SEMA6D: variants seen among roughly 807,000 people sequenced by gnomAD.
SEMA6D encodes the protein semaphorin 6D, also known as semaphorin-6D.
In SEMA6D, 35 loss-of-function variants were observed where a neutral mutation model predicts 106.6. The observed-to-expected ratio is 0.33, with a 90% CI of 0.25 to 0.44. The LOEUF is 0.44. Among genes scored for constraint, SEMA6D ranks in the 20% least tolerant of loss-of-function variants. The pLI, the probability that SEMA6D is intolerant of heterozygous loss-of-function variation, is 1.00. For missense variants in SEMA6D, 1,185 were observed against 1,345.9 expected (o/e 0.88, Z 1.87); for synonymous variants, 499 against 487.7 (o/e 1.02, Z -0.31).
intron 1 of SEMA6D, among the ~76,000 whole-genome samples, chr15:47,387,168 A>C (rs778481861): frequency 4.3e-4 from 65 of 152,196 alleles, no homozygotes; most frequent in Non-Finnish European, 2.6e-4. Flanking sequence ...AGTAACCCAG[A>C]AAGGGCAGTG....
chr15:47,414,913 A>T (rs938020240), intron 2 of SEMA6D, among the ~76,000 whole-genome samples: 2 of 152,188 alleles, frequency 1.3e-5, no homozygotes, highest in Admixed American at 6.6e-5. Context: ...TAAGATTTTA[A>T]ATAGTCTCTT....
intron 2 of SEMA6D, among the ~76,000 whole-genome samples, chr15:47,452,733 A>G (rs1466658869): frequency 1.3e-5 from 2 of 151,890 alleles, no homozygotes; most frequent in Non-Finnish European, 2.9e-5. Flanking sequence ...AAATTGTTTG[A>G]CCTACTTCTT....
Position 47,730,465 on chromosome 15 carries a change from G to A in SEMA6D, c.-55+12773G>A, listed in dbSNP as rs185222283. ...CAACCAGCTCGATGGGATCCACGTC[G>A]TGTGCAATCAGCACCAGCTGAGCTT... On this transcript the variant is annotated intron_variant, in intron 1 of 18. Transcript: ENST00000536845. The A allele has an allele frequency of 6.6e-4, 886 of 1,337,748 alleles. 7 individuals carry two copies. The African/African-American group carries it at 0.011, about 17-fold the overall frequency. The allele number at this position is 1,337,748 out of a possible 1,614,324, so 82.9% of individuals were successfully genotyped here. A position where few individuals can be genotyped will look rare whatever the true frequency, so the allele number is the denominator to read the frequency against.
chr15:47,526,537 A>G (rs1172928561), intron 3 of SEMA6D, among the ~76,000 whole-genome samples: 1 of 152,188 alleles, frequency 6.6e-6, no homozygotes. Context: ...AGTATTGGCC[A>G]TGGCCAATAT....
intron 9 of SEMA6D, among the ~76,000 whole-genome samples, 192 bp from the exon 10 acceptor site, chr15:47,763,658 G>T (rs2082181055): frequency 1.3e-5 from 2 of 152,192 alleles, no homozygotes; most frequent in Non-Finnish European, 2.9e-5. Context: ...AAATAGGAAA[G>T]TGGCTCTTTT....
intron 4 of SEMA6D, among the ~76,000 whole-genome samples, chr15:47,641,117 G>A (rs1198066620): frequency 6.6e-6 from 1 of 152,156 alleles, no homozygotes; most frequent in Non-Finnish European, 1.5e-5. Context: ...GCTTCCGCCC[G>A]AGGGCTGCCG....
chr15:47,462,905 TTATA>T (rs1383556936), intron 2 of SEMA6D, among the ~76,000 whole-genome samples: 1 of 152,110 alleles, frequency 6.6e-6, no homozygotes, highest in African/African-American at 2.4e-5. Context: ...CTAGTCTGGC[TTATA>T]ATTCATTAGA....
chr15:47,228,098 T>G (rs2031918845), intron 1 of SEMA6D, among the ~76,000 whole-genome samples: 1 of 144,484 alleles, frequency 6.9e-6, no homozygotes, highest in African/African-American at 2.5e-5. Context: ...ATACATCATA[T>G]ATTTTATATA....
At chr15:47,325,750 T>C (rs2037107043) in intron 1 of SEMA6D, among the ~76,000 whole-genome samples, 1 of 152,214 alleles carries the variant, frequency 6.6e-6, no homozygotes, top group Non-Finnish European at 1.5e-5. Context: ...ATATCCTCTT[T>C]ACCTCCAGTT....
At chr15:47,405,810 G>T (rs1241037514) in intron 1 of SEMA6D, among the ~76,000 whole-genome samples, 2 of 152,126 alleles carry the variant, frequency 1.3e-5, no homozygotes, top group Admixed American at 1.3e-4. Context: ...ATCTAGAGGG[G>T]TCTGCAGCTT....
At chr15:47,265,190 T>C (rs1197326728) in intron 1 of SEMA6D, among the ~76,000 whole-genome samples, 1 of 151,980 alleles carries the variant, frequency 6.6e-6, no homozygotes, top group Admixed American at 6.6e-5. Context: ...TAACTGGTAT[T>C]AATTCTTCTT....
chr15:47,611,379 T>C (rs1413043200), intron 4 of SEMA6D, among the ~76,000 whole-genome samples: 1 of 152,222 alleles, frequency 6.6e-6, no homozygotes, highest in African/African-American at 2.4e-5. Context: ...GATTTTGCAA[T>C]ACATTTTTTA....
chr15:47,550,695 A>G (rs956674760), intron 3 of SEMA6D, among the ~76,000 whole-genome samples: 5 of 152,156 alleles, frequency 3.3e-5, no homozygotes, highest in Admixed American at 6.6e-5. Flanking sequence ...CAACTGTCAT[A>G]GCAGTTCCTT....
intron 1 of SEMA6D, among the ~76,000 whole-genome samples, chr15:47,237,714 T>C (rs141156276): frequency 3.7e-4 from 57 of 152,216 alleles, no homozygotes; most frequent in Non-Finnish European, 7.5e-4. Context: ...GGTAGGACTC[T>C]ACACCCCCTT....
At chr15:47,521,528 T>G (rs1193934033) in intron 3 of SEMA6D, among the ~76,000 whole-genome samples, 1 of 152,178 alleles carries the variant, frequency 6.6e-6, no homozygotes, top group Non-Finnish European at 1.5e-5. Flanking sequence ...CTTGAGTAAA[T>G]GGATGACTCC....
At chr15:47,437,161 A>G (rs567112323) in intron 2 of SEMA6D, among the ~76,000 whole-genome samples, 76 of 152,160 alleles carry the variant, frequency 5.0e-4, no homozygotes, top group Non-Finnish European at 6.0e-4. Flanking sequence ...GAAGTTTCCA[A>G]TGGTTCCTTT....
intron 1 of SEMA6D, among the ~76,000 whole-genome samples, chr15:47,217,665 T>C (rs966111458): frequency 6.6e-6 from 1 of 151,652 alleles, no homozygotes; most frequent in Non-Finnish European, 1.5e-5. Context: ...TTATAGGCAG[T>C]GTGAGATGTT....
intron 1 of SEMA6D, among the ~76,000 whole-genome samples, chr15:47,314,592 C>T (rs2036572217): frequency 5.3e-5 from 2 of 37,498 alleles, no homozygotes; most frequent in Non-Finnish European, 8.4e-5. Context: ...AGCGAGACTC[C>T]ATCTCAAAAA....
chr15:47,468,760 C>G (rs530705053), intron 2 of SEMA6D, among the ~76,000 whole-genome samples: 1 of 152,024 alleles, frequency 6.6e-6, no homozygotes. Flanking sequence ...ATCCAATATC[C>G]AGGTTTGAAT....
Sources: gnomAD v4.1 joint callset for allele counts (sites outside exome capture counted in the v4.1 genomes callset) on GRCh38, gnomAD v4.1.1 for gene constraint, MANE v1.5 for transcripts, NCBI Gene and HGNC (gene_info 2026-07-23, HGNC 2026-07-21) for gene names.